Variants in USO1 observed in about 807,000 individuals in gnomAD.
USO1 encodes general vesicular transport factor p115.
Under a neutral mutation model 124.5 loss-of-function variants are expected in USO1, and 57 were observed. The ratio of observed to expected loss-of-function variants is 0.46; its 90% CI spans 0.37 to 0.57. The LOEUF is 0.57. Among genes scored for constraint, USO1 ranks in the 20% least tolerant of loss-of-function variants. The pLI is 0.00. For synonymous variants in USO1, 369 were observed against 362.8 expected (o/e 1.02, Z -0.19); for missense variants, 900 against 1,040.6 (o/e 0.86, Z 1.86).
At position 75,805,156 on chromosome 4, in the gene USO1, T is replaced by G; in HGVS notation, c.2142T>G (p.His714Gln). 1 of 1,592,676 alleles carries G rather than the reference T, an allele frequency of 6.3e-7. No homozygotes were observed. Among genetic ancestry groups the G allele is most frequent in the East Asian group, 2.3e-5 (1 of 43,982 alleles). ...GTCTAACAGGAAAAGACAATCAGCA[T>G]CAAGGTTCTTACAGTGAGGGGGCTC... ...LKIQLGKDNQ[H>Q]QGSYSEGAQM... The change falls in exon 19 of 24, where the codon CAT (histidine) becomes CAG (glutamine). Residue 714 changes from histidine to glutamine, a missense_variant. His to Gln is a conservative substitution (Grantham distance 24). Coordinates refer to ENST00000514213, the MANE Select transcript of USO1 (RefSeq NM_003715.4).
At chr4:75,760,457 A>G (rs2149161053) in intron 4 of USO1, 1 of 371,188 alleles carries the variant, frequency 2.7e-6, no homozygotes. Flanking sequence ...CAAAGTACAT[A>G]TGGATCTCTT....
intron 1 of USO1, among the ~76,000 whole-genome samples, chr4:75,729,512 T>A (rs1720569351): frequency 6.6e-6 from 1 of 152,134 alleles, no homozygotes. Context: ...GCTAATTTTT[T>A]TGTATTTTAG....
At chr4:75,771,971 T>C (rs1423037021) in intron 7 of USO1, among the ~76,000 whole-genome samples, 1 of 152,178 alleles carries the variant, frequency 6.6e-6, no homozygotes, top group Non-Finnish European at 1.5e-5. Context: ...CCAAGTAAAG[T>C]TAAGTGTTCT....
At chr4:75,762,941 C>CA (rs1721660975) in intron 4 of USO1, among the ~76,000 whole-genome samples, 1 of 151,982 alleles carries the variant, frequency 6.6e-6, no homozygotes, top group Admixed American at 6.6e-5. Context: ...ACAAAAACAA[C>CA]AAAAAAAGTA....
At chr4:75,775,389 A>C (rs1187741441) in intron 8 of USO1, among the ~76,000 whole-genome samples, 2 of 152,268 alleles carry the variant, frequency 1.3e-5, no homozygotes, top group South Asian at 2.1e-4. Context: ...AAATACAAAA[A>C]TTAGCTGGGC....
intron 9 of USO1, 62 bp downstream of exon 9, chr4:75,782,920 A>C (rs1331548955): frequency 5.4e-6 from 8 of 1,481,352 alleles, no homozygotes; most frequent in Non-Finnish European, 7.1e-6. Flanking sequence ...CAAAGAGAAG[A>C]AAATCGCTTG....
chr4:75,773,808 T>C (rs116753387), intron 7 of USO1, among the ~76,000 whole-genome samples: 1,542 of 152,318 alleles, frequency 0.01, 25 homozygotes, highest in Non-Finnish European at 0.013. Context: ...TTTTGTCTTA[T>C]ATGAATACTT....
At position 75,724,788 on chromosome 4, in the gene USO1, G is replaced by C; in HGVS notation, c.-32G>C. 1.2e-6 allele frequency: 2 copies of C among 1,612,174 alleles called. No individual in the cohort carries two copies. The highest frequency in any genetic ancestry group is 1.7e-6 in the Non-Finnish European group (2 of 1,178,872). On this transcript the variant is annotated 5_prime_UTR_variant, in exon 1 of 24. Coordinates refer to ENST00000514213, the MANE Select transcript of USO1 (RefSeq NM_003715.4). ...GAAGTTGTCTTCTTTTTTTTCCGGA[G>C]GGGCCGGTAAACCTGGTGGCTGAAC... is the stretch of plus-strand genomic sequence containing the variant.
rs139955122 is a variant in USO1 at position 75,787,539 on chromosome 4, C to T, written c.996+337C>T. 7.5e-3 allele frequency among the ~76,000 whole-genome samples: 1,138 copies of T among 152,224 alleles called. 22 individuals carry two copies. The highest frequency in any genetic ancestry group is 0.026 in the African/African-American group (1,095 of 41,536). The stretch of plus-strand genomic sequence containing the variant: ...AAGTGACTTAGTCTTACTCAACCGG[C>T]AGATTCATTGAATAGTAAATTCTTT... On this transcript the variant is annotated intron_variant, in intron 10 of 23. Coordinates refer to ENST00000514213, the MANE Select transcript of USO1 (RefSeq NM_003715.4).
chr4:75,794,966 T>C (rs1722637588), intron 13 of USO1, among the ~76,000 whole-genome samples: 1 of 152,234 alleles, frequency 6.6e-6, no homozygotes, highest in Non-Finnish European at 1.5e-5. Flanking sequence ...CATGTTGCTA[T>C]CTGTTAACAA....
intron 17 of USO1, among the ~76,000 whole-genome samples, chr4:75,802,066 C>T (rs1307928248): frequency 6.6e-6 from 1 of 152,156 alleles, no homozygotes; most frequent in Non-Finnish European, 1.5e-5. Flanking sequence ...CCTTCCCTTC[C>T]CTGCCTCAGC....
intron 10 of USO1, among the ~76,000 whole-genome samples, 169 bp downstream of exon 10, chr4:75,787,371 C>T (rs989636584): frequency 5.3e-5 from 8 of 152,026 alleles, no homozygotes; most frequent in Admixed American, 5.2e-4. Flanking sequence ...GTATTGATTC[C>T]AAAAGATATA....
At chr4:75,770,579 C>A in intron 5 of USO1, 40 bp downstream of exon 5, 2 of 1,528,916 alleles carry the variant, frequency 1.3e-6, no homozygotes, top group African/African-American at 1.4e-5. Context: ...TCTTAATAAG[C>A]TGCTTTTGTT....
intron 8 of USO1, 151 bp from the exon 9 acceptor site, chr4:75,782,529 C>T: frequency 1.9e-6 from 2 of 1,038,448 alleles, no homozygotes; most frequent in Non-Finnish European, 1.3e-6. Flanking sequence ...AGGTTATGGC[C>T]TGTGGCCATC....
intron 12 of USO1, among the ~76,000 whole-genome samples, chr4:75,793,003 AG>A (rs1722573269): frequency 6.6e-6 from 1 of 152,092 alleles, no homozygotes; most frequent in Admixed American, 6.6e-5. Flanking sequence ...AACAAATGTT[AG>A]TCTTTACATA....
chr4:75,804,191 C>A lies in USO1; in HGVS notation c.2044C>A (p.Gln682Lys). 1.2e-6 allele frequency: 2 copies of A among 1,613,358 alleles called. No individual in the cohort carries two copies. Among genetic ancestry groups the A allele is most frequent in the South Asian group, 1.1e-5 (1 of 90,960 alleles). Residue 682 changes from glutamine (Q) to lysine (K), a missense_variant, in exon 18 of 24, where the codon CAG becomes AAG. Physicochemically the swap from Gln to Lys is moderately conservative, Grantham distance 53. This residue lies in a region of USO1 where 362 missense variants were observed against 359.0 expected (regional missense o/e 1.01). Coordinates refer to ENST00000514213, the MANE Select transcript of USO1 (RefSeq NM_003715.4). Reference sequence around the variant, plus strand: ...TTCTACATTAAAATGTCAAAATGAACAGCTCCAGACGGCAGTCACACAGCA... The same window carrying A: ...TTCTACATTAAAATGTCAAAATGAAAAGCTCCAGACGGCAGTCACACAGCA... ...QVSTLKCQNE[Q>K]LQTAVTQQVS...
intron 9 of USO1, among the ~76,000 whole-genome samples, chr4:75,785,831 T>C (rs1348583134): frequency 1.3e-5 from 2 of 152,082 alleles, no homozygotes; most frequent in African/African-American, 4.8e-5. Context: ...TTGCGTAGTA[T>C]TTGTTTTAAA....
intron 8 of USO1, 140 bp downstream of exon 8, chr4:75,774,936 C>T (rs1006511873): frequency 9.4e-6 from 12 of 1,277,616 alleles, no homozygotes; most frequent in Non-Finnish European, 1.0e-5. Flanking sequence ...TGTTGACTAT[C>T]GATTTCTCTT....
rs892400019 is a variant in USO1 at position 75,731,848 on chromosome 4, T to C, written c.66+6963T>C. On this transcript the variant is annotated intron_variant, in intron 1 of 23. Transcript: ENST00000514213. ...TTTTTCCTGTCAGTTAAGTAGTTACTGAATACTTAAAAAAAAGAATTGTGA... is the reference window on the plus strand; with the variant it reads ...TTTTTCCTGTCAGTTAAGTAGTTACCGAATACTTAAAAAAAAGAATTGTGA... Among the ~76,000 whole-genome samples, 30 of 152,296 alleles carry C rather than the reference T, an allele frequency of 2.0e-4. No individual in the cohort carries two copies. The East Asian group carries it at 5.6e-3, about 28-fold the overall frequency.
Sources: gnomAD v4.1 joint callset for allele counts (sites outside exome capture counted in the v4.1 genomes callset) on GRCh38, gnomAD v4.1.1 for gene constraint, gnomAD v4.1.1 regional missense constraint, MANE v1.5 for transcripts, NCBI Gene and HGNC (gene_info 2026-07-23, HGNC 2026-07-21) for gene names.